ADAMTSL3: variants seen among roughly 807,000 people sequenced by gnomAD.
ADAMTSL3 encodes the protein ADAMTS-like protein 3.
A neutral mutation model predicts 201.7 loss-of-function variants in ADAMTSL3; 128 were observed. The ratio of observed to expected loss-of-function variants is 0.63; its 90% CI spans 0.55 to 0.73. ADAMTSL3 has a LOEUF of 0.73. ADAMTSL3 is among the 30% of genes least tolerant of loss of function. The pLI is 0.00. For missense variants in ADAMTSL3, 1,990 were observed against 2,119.6 expected (o/e 0.94, Z 1.20); for synonymous variants, 738 against 748.4 (o/e 0.99, Z 0.23).
intron 2 of ADAMTSL3, among the ~76,000 whole-genome samples, chr15:83,697,568 C>T (rs2061702643): frequency 6.6e-6 from 1 of 152,158 alleles, no homozygotes; most frequent in African/African-American, 2.4e-5. Context: ...AAATGAAACA[C>T]TTTACTTACA....
intron 9 of ADAMTSL3, among the ~76,000 whole-genome samples, chr15:83,881,333 C>G (rs1486336733): frequency 6.6e-6 from 1 of 152,188 alleles, no homozygotes; most frequent in Non-Finnish European, 1.5e-5. Flanking sequence ...CCTTGGAAGG[C>G]CTTGAGCTCT....
rs544560256 is a variant in ADAMTSL3, at chr15:83,894,745, C to T, written c.1467+1857C>T. On this transcript the variant is annotated intron_variant, in intron 13 of 29. Coordinates refer to ENST00000286744, the MANE Select transcript of ADAMTSL3 (RefSeq NM_207517.3). ...ATTGAAATTAATTTATTTTACTTTC[C>T]TGTGGCCATAAGGCCCTAAGTATTT... 7.6e-4 allele frequency among the ~76,000 whole-genome samples: 115 copies of T among 152,004 alleles called. 1 individual carries two copies. In the South Asian group the frequency reaches 0.022, roughly 30 times the overall value.
intron 2 of ADAMTSL3, among the ~76,000 whole-genome samples, chr15:83,678,818 A>T (rs1379253933): frequency 3.0e-4 from 44 of 144,720 alleles, no homozygotes; most frequent in African/African-American, 6.2e-4. Flanking sequence ...ATATAATATA[A>T]AATATAAATA....
Position 84,014,631 on chromosome 15 carries a change from C to A in ADAMTSL3, c.4063C>A (p.Gln1355Lys), listed in dbSNP as rs775946811. 6.2e-7 allele frequency: 1 copy of A among 1,612,990 alleles called. No homozygotes were observed. The highest frequency in any genetic ancestry group is 2.2e-5 in the East Asian group (1 of 44,864). ...SLLFNGSLLL[Q>K]NVSLENEGTY... ...GCTTTTCAATGGATCCCTGTTGTTG[C>A]AGAATGTTTCCCTTGAAAATGAAGG... Residue 1355 changes from glutamine (Q) to lysine (K), a missense_variant, in exon 24 of 30, where the codon CAG becomes AAG. Gln to Lys is a moderately conservative substitution (Grantham distance 53). Coordinates refer to ENST00000286744, the MANE Select transcript of ADAMTSL3 (RefSeq NM_207517.3).
Position 83,784,272 on chromosome 15 carries a change from C to T in ADAMTSL3, c.317+10622C>T, listed in dbSNP as rs1198423995. Among the ~76,000 whole-genome samples, 3 of 152,138 alleles carry T rather than the reference C, an allele frequency of 2.0e-5. No homozygotes were observed. The East Asian group carries it at 5.8e-4, about 29-fold the overall frequency. On this transcript the variant is annotated intron_variant, in intron 4 of 29. Coordinates refer to ENST00000286744, the MANE Select transcript of ADAMTSL3 (RefSeq NM_207517.3). ...TGTCTTAGACTAACTGCCCCTATGCCACTGATTGGCAGGAATTGGCTATAT... is the reference window on the plus strand; with the variant it reads ...TGTCTTAGACTAACTGCCCCTATGCTACTGATTGGCAGGAATTGGCTATAT...
intron 3 of ADAMTSL3, among the ~76,000 whole-genome samples, chr15:83,738,092 C>G (rs573538929): frequency 6.6e-6 from 1 of 152,124 alleles, no homozygotes; most frequent in South Asian, 2.1e-4. Context: ...CCTAGCAAAG[C>G]AATAATAACA....
rs776384567 is a variant in ADAMTSL3, at chr15:83,768,560, A to C, written c.190-4963A>C. Among the ~76,000 whole-genome samples, 8 of 152,176 alleles carry C rather than the reference A, an allele frequency of 5.3e-5. 1 individual carries two copies. The highest frequency in any genetic ancestry group is 7.3e-5 in the Non-Finnish European group (5 of 68,030). On this transcript the variant is annotated intron_variant, in intron 3 of 29. Coordinates refer to ENST00000286744, the MANE Select transcript of ADAMTSL3 (RefSeq NM_207517.3). ...TGCGCCAAGAGAGAGCATAGTTGCA[A>C]AGGATCTGGGAACGTAGAAGGAACT...
At chr15:83,901,451 G>A (rs1308762043) in intron 15 of ADAMTSL3, among the ~76,000 whole-genome samples, 1 of 152,136 alleles carries the variant, frequency 6.6e-6, no homozygotes. Flanking sequence ...AGCCTACTTT[G>A]ATTAACAAGA....
chr15:83,964,077 CA>C (rs1450758929), intron 19 of ADAMTSL3, among the ~76,000 whole-genome samples: 1 of 152,098 alleles, frequency 6.6e-6, no homozygotes, highest in African/African-American at 2.4e-5. Context: ...AAAACCAGCA[CA>C]AAAAGGCTGA....
At chr15:83,770,540 G>A (rs887497400) in intron 3 of ADAMTSL3, among the ~76,000 whole-genome samples, 13 of 152,088 alleles carry the variant, frequency 8.5e-5, no homozygotes, top group African/African-American at 3.1e-4. Flanking sequence ...AATGATATAT[G>A]TGTTTTTATT....
intron 7 of ADAMTSL3, among the ~76,000 whole-genome samples, chr15:83,846,109 A>G (rs776302764): frequency 6.6e-6 from 1 of 152,214 alleles, no homozygotes; most frequent in Non-Finnish European, 1.5e-5. Flanking sequence ...ACCCGTGGTC[A>G]CCCAGGAGAC....
intron 25 of ADAMTSL3, 116 bp from the exon 26 acceptor site, chr15:84,021,294 C>G (rs990271931): frequency 1.1e-5 from 12 of 1,072,592 alleles, no homozygotes; most frequent in Non-Finnish European, 1.7e-5. Flanking sequence ...GGCTTTCTCT[C>G]CATATGCTAC....
chr15:83,754,205 T>TG (rs1056581581), intron 3 of ADAMTSL3, among the ~76,000 whole-genome samples: 16 of 152,134 alleles, frequency 1.1e-4, no homozygotes, highest in African/African-American at 3.6e-4. Flanking sequence ...AAATGTTCCC[T>TG]GGGGGGCAAA....
At chr15:83,714,889 C>A (rs2061992914) in intron 3 of ADAMTSL3, among the ~76,000 whole-genome samples, 1 of 29,262 alleles carries the variant, frequency 3.4e-5, no homozygotes, top group Non-Finnish European at 5.1e-5. Flanking sequence ...TTCCTTCCTT[C>A]CTTCCTTCCT....
At chr15:83,663,003 C>T (rs1339347836) in intron 2 of ADAMTSL3, among the ~76,000 whole-genome samples, 1 of 152,200 alleles carries the variant, frequency 6.6e-6, no homozygotes, top group Non-Finnish European at 1.5e-5. Flanking sequence ...CAGCTTGCCA[C>T]TTGCTGCCGG....
At position 83,836,785 on chromosome 15, in the gene ADAMTSL3, G is replaced by A. The variant is rs113710804; in HGVS notation, c.601-1304G>A. The stretch of plus-strand genomic sequence containing the variant: ...TCTCTATTTTACTGTTGAGGAAAAC[G>A]AGTCTCTGAGAGTTTGAATTTTTCA... On this transcript the variant is annotated intron_variant, in intron 6 of 29. Transcript: ENST00000286744. Among the ~76,000 whole-genome samples the A allele has an allele frequency of 8.9e-3, 1,353 of 152,228 alleles. 18 individuals are homozygous for A. Among genetic ancestry groups the A allele is most frequent in the African/African-American group, 0.03 (1,263 of 41,544 alleles).
intron 17 of ADAMTSL3, among the ~76,000 whole-genome samples, chr15:83,938,667 A>C (rs1403094350): frequency 6.6e-6 from 1 of 152,166 alleles, no homozygotes; most frequent in Non-Finnish European, 1.5e-5. Flanking sequence ...TGATCCCATC[A>C]TTAACTTATT....
chr15:83,945,528 A>C (rs60444815), intron 19 of ADAMTSL3, among the ~76,000 whole-genome samples: 2,752 of 152,252 alleles, frequency 0.018, 85 homozygotes, highest in African/African-American at 0.063. Context: ...GGTGTTAGAG[A>C]GGTGGGTAGC....
At chr15:83,780,148 G>A (rs975645787) in intron 4 of ADAMTSL3, among the ~76,000 whole-genome samples, 3 of 152,112 alleles carry the variant, frequency 2.0e-5, no homozygotes, top group Non-Finnish European at 4.4e-5. Context: ...AGTGGCTCAC[G>A]CCTGTAATCC....
Sources: gnomAD v4.1 joint callset for allele counts (sites outside exome capture counted in the v4.1 genomes callset) on GRCh38, gnomAD v4.1.1 for gene constraint, MANE v1.5 for transcripts, NCBI Gene and HGNC (gene_info 2026-07-23, HGNC 2026-07-21) for gene names.